Variants in ATP2B2 observed in about 807,000 individuals in gnomAD.
ATP2B2 encodes plasma membrane calcium-transporting ATPase 2.
In ATP2B2, 15 loss-of-function variants were observed where a neutral mutation model predicts 120.0. The ratio of observed to expected loss-of-function variants is 0.12; its 90% confidence interval spans 0.08 to 0.19. The LOEUF is 0.19. Ranked by LOEUF, ATP2B2 falls within the 10% of genes least tolerant of loss-of-function variation. ATP2B2 has a pLI of 1.00. For synonymous variants in ATP2B2, 694 were observed against 700.3 expected, an observed-to-expected ratio of 0.99 and a Z score of 0.14; for missense variants, 1,045 against 1,719.8, an observed-to-expected ratio of 0.61 and a Z score of 6.94.
intron 12 of ATP2B2, among the ~76,000 whole-genome samples, chr3:10,367,172 A>G (rs1224132598): frequency 6.6e-6 from 1 of 152,132 alleles, no homozygotes; most frequent in Admixed American, 6.5e-5. Context: ...CTGGCCCTGC[A>G]GAAATGCCCA....
intron 1 of ATP2B2, among the ~76,000 whole-genome samples, chr3:10,463,375 C>A (rs1048497803): frequency 5.9e-5 from 9 of 152,152 alleles, no homozygotes; most frequent in Non-Finnish European, 1.5e-5. Flanking sequence ...ATTAGGGTGA[C>A]ACCTGCCTTT....
intron 22 of ATP2B2, among the ~76,000 whole-genome samples, chr3:10,335,712 C>T (rs560053895): frequency 2.6e-5 from 4 of 152,328 alleles, no homozygotes; most frequent in African/African-American, 9.6e-5. Flanking sequence ...TGTCCAACTC[C>T]AACCCTTGCC....
intron 1 of ATP2B2, among the ~76,000 whole-genome samples, chr3:10,458,640 C>G (rs2064361146): frequency 7.1e-6 from 1 of 141,088 alleles, no homozygotes. Flanking sequence ...GGTGTGATGA[C>G]TATGATGAAC....
chr3:10,685,408 C>T (rs1232485771), intron 1 of ATP2B2, among the ~76,000 whole-genome samples: 4 of 152,208 alleles, frequency 2.6e-5, no homozygotes, highest in African/African-American at 7.2e-5. Flanking sequence ...AAGGCAAGTA[C>T]TGCTGGGTGT....
At chr3:10,501,511 C>T (rs374571099) in intron 1 of ATP2B2, among the ~76,000 whole-genome samples, 1 of 152,024 alleles carries the variant, frequency 6.6e-6, no homozygotes, top group Non-Finnish European at 1.5e-5. Flanking sequence ...GCTGGGACGA[C>T]AGGAGTATGC....
intron 1 of ATP2B2, among the ~76,000 whole-genome samples, chr3:10,467,555 G>A (rs1484066484): frequency 1.3e-5 from 2 of 152,172 alleles, no homozygotes; most frequent in Non-Finnish European, 2.9e-5. Flanking sequence ...GTGGAAAAGT[G>A]GCCACGGAAA....
chr3:10,520,320 G>A (rs1468664342), intron 3 of ATP2B2, among the ~76,000 whole-genome samples: 2 of 152,200 alleles, frequency 1.3e-5, no homozygotes, highest in African/African-American at 4.8e-5. Context: ...GGAGGGGGGT[G>A]CCGGTTTTAA....
In ATP2B2 at chr3:10,669,667, C is replaced by T. The variant is rs79015853; in HGVS notation, c.-460+38248G>A. ...GCGGGCTATCCACAGCCTCCCTAGA[C>T]GAGGGCTCCCTCAGGGACTGTGCCC... On this transcript the variant is annotated intron_variant, in intron 1 of 21. Transcript: ENST00000646379. Among the ~76,000 whole-genome samples, 271 of 152,278 alleles carry T rather than the reference C, an allele frequency of 1.8e-3. 8 individuals are homozygous for T. The East Asian group carries it at 0.048, about 27-fold the overall frequency.
chr3:10,607,260 C>A (rs998521135), intron 2 of ATP2B2, among the ~76,000 whole-genome samples: 8 of 152,160 alleles, frequency 5.3e-5, no homozygotes, highest in African/African-American at 1.9e-4. Flanking sequence ...AAGCCCAGAA[C>A]AGAGCCTGAA....
At chr3:10,667,324 C>A (rs2070967386) in intron 1 of ATP2B2, among the ~76,000 whole-genome samples, 1 of 152,160 alleles carries the variant, frequency 6.6e-6, no homozygotes, top group African/African-American at 2.4e-5. Flanking sequence ...TCAGCCTGGG[C>A]CTCTCAGACA....
At chr3:10,406,203 T>C (rs1434091868) in intron 3 of ATP2B2, among the ~76,000 whole-genome samples, 1 of 152,226 alleles carries the variant, frequency 6.6e-6, no homozygotes, top group Non-Finnish European at 1.5e-5. Context: ...CCCTCACTCC[T>C]GTTCATCAGG....
chr3:10,519,583 C>T (rs2066942587), intron 3 of ATP2B2, among the ~76,000 whole-genome samples: 1 of 152,152 alleles, frequency 6.6e-6, no homozygotes. Context: ...CCTGCCCCTA[C>T]CCCACCTCTG....
chr3:10,689,656 C>T (rs2071609215), intron 1 of ATP2B2, among the ~76,000 whole-genome samples: 1 of 152,300 alleles, frequency 6.6e-6, no homozygotes, highest in Non-Finnish European at 1.5e-5. Flanking sequence ...CTAGAAAGCT[C>T]TCACCATCCT....
intron 1 of ATP2B2, among the ~76,000 whole-genome samples, chr3:10,469,281 C>T (rs1056696192): frequency 2.0e-5 from 3 of 152,218 alleles, no homozygotes; most frequent in Admixed American, 6.5e-5. Flanking sequence ...TCATCTCATC[C>T]GATCCACATC....
intron 1 of ATP2B2, among the ~76,000 whole-genome samples, chr3:10,686,633 G>A (rs1415810595): frequency 6.6e-5 from 10 of 151,516 alleles, no homozygotes; most frequent in African/African-American, 1.9e-4. Flanking sequence ...CAGCCTAGGC[G>A]ACAGTGCGAG....
intron 16 of ATP2B2, among the ~76,000 whole-genome samples, chr3:10,349,455 A>T (rs1175003721): frequency 6.6e-6 from 1 of 152,026 alleles, no homozygotes; most frequent in Non-Finnish European, 1.5e-5. Context: ...ACCCTGTCTC[A>T]AATAAAATAA....
chr3:10,381,653 A>C (rs1186472815), intron 8 of ATP2B2, among the ~76,000 whole-genome samples: 4 of 152,178 alleles, frequency 2.6e-5, no homozygotes, highest in Admixed American at 1.3e-4. Context: ...CTGGCCCTGA[A>C]CTATGGTGGA....
chr3:10,351,890 C>T (rs548302917), intron 14 of ATP2B2, among the ~76,000 whole-genome samples: 12 of 152,352 alleles, frequency 7.9e-5, no homozygotes, highest in East Asian at 3.9e-4. Flanking sequence ...TCCTCCCTAT[C>T]GTCACTGGAA....
intron 2 of ATP2B2, among the ~76,000 whole-genome samples, chr3:10,412,691 A>G (rs543582942): frequency 6.6e-6 from 1 of 152,070 alleles, no homozygotes; most frequent in East Asian, 1.9e-4. Flanking sequence ...TGGGCCGTGG[A>G]CCTTGGGGAC....
Sources: allele counts gnomAD v4.1 joint callset (sites outside exome capture counted in the v4.1 genomes callset), GRCh38; gene constraint gnomAD v4.1.1; transcripts MANE v1.5; gene names NCBI Gene and HGNC (gene_info 2026-07-23, HGNC 2026-07-21).